The following CLK4 variants were observed in gnomAD, a reference collection of about 807,000 sequenced individuals.
CLK4 encodes the protein CDC like kinase 4, also known as dual specificity protein kinase CLK4.
In CLK4, 37 loss-of-function variants were observed where a neutral mutation model predicts 64.4. The ratio of observed to expected loss-of-function variants is 0.57; its 90% CI spans 0.44 to 0.76. The LOEUF (loss-of-function observed/expected upper bound fraction) is 0.76. Ranked by LOEUF, CLK4 falls within the 30% of genes least tolerant of loss-of-function variation. The pLI, the probability that CLK4 is intolerant of heterozygous loss-of-function variation, is 0.00. For synonymous variants in CLK4, 175 were observed against 191.6 expected, an observed-to-expected ratio of 0.91 and a Z score of 0.72; for missense variants, 457 against 605.1, an observed-to-expected ratio of 0.76 and a Z score of 2.57.
chr5:178,603,762 G>A lies in CLK4; in HGVS notation c.1306-5C>T, dbSNP rs1315447598. 3 of 1,580,410 alleles carry A rather than the reference G, an allele frequency of 1.9e-6. No individual in the cohort carries two copies. The highest frequency in any genetic ancestry group is 2.4e-5 in the South Asian group (2 of 84,942). The stretch of plus-strand genomic sequence containing the variant: ...ATCATGACAAAGCATAAATTCCTGG[G>A]GGAGAAATGTTTTTGTTTTAAAAAA... On this transcript the variant is annotated splice_polypyrimidine_tract_variant and splice_region_variant and intron_variant, in intron 12 of 12. Transcript: ENST00000316308.
intron 7 of CLK4, 97 bp from the exon 8 acceptor site, chr5:178,612,987 A>T: frequency 1.8e-6 from 1 of 564,544 alleles, no homozygotes; most frequent in South Asian, 3.0e-5. Flanking sequence ...TGGTCAAGAG[A>T]CGATTCATCT....
intron 5 of CLK4, among the ~76,000 whole-genome samples, chr5:178,614,958 A>G (rs1764606443): frequency 6.6e-6 from 1 of 152,190 alleles, no homozygotes; most frequent in East Asian, 1.9e-4. Flanking sequence ...AAAACATACA[A>G]TGCTAGACAG....
chr5:178,625,754 C>T (rs73351821), intron 1 of CLK4, among the ~76,000 whole-genome samples: 3 of 152,120 alleles, frequency 2.0e-5, no homozygotes, highest in Admixed American at 2.0e-4. Flanking sequence ...GAACGAGCTC[C>T]GTTGTGAGAG....
intron 1 of CLK4, among the ~76,000 whole-genome samples, chr5:178,624,971 AGGT>A (rs2113817226): frequency 6.6e-6 from 1 of 152,302 alleles, no homozygotes; most frequent in African/African-American, 2.4e-5. Flanking sequence ...CATCCTTCTA[AGGT>A]GGCTCTCAGC....
chr5:178,604,628 T>C (rs997213710), intron 11 of CLK4: 1 of 152,038 alleles, frequency 6.6e-6, no homozygotes, highest in Non-Finnish European at 1.5e-5. Context: ...GGAACCTTCA[T>C]GCAACGTAGA....
intron 1 of CLK4, among the ~76,000 whole-genome samples, chr5:178,624,225 G>A (rs1196827349): frequency 6.6e-6 from 1 of 152,224 alleles, no homozygotes; most frequent in African/African-American, 2.4e-5. Context: ...GCTCATGCCT[G>A]TAATCCCAGA....
At chr5:178,609,031 C>T (rs2113802118) in intron 9 of CLK4, among the ~76,000 whole-genome samples, 1 of 152,224 alleles carries the variant, frequency 6.6e-6, no homozygotes, top group South Asian at 2.1e-4. Context: ...CACATTGGAG[C>T]TCAGAGAGGG....
At chr5:178,605,178 GAAAA>G (rs371658302) in intron 11 of CLK4, 121 bp downstream of exon 11, 11 of 348,570 alleles carry the variant, frequency 3.2e-5, no homozygotes, top group African/African-American at 7.8e-5. Flanking sequence ...CTCCAGTACA[GAAAA>G]AAAAAAAAAA....
At chr5:178,609,851 G>T (rs1433241917) in intron 9 of CLK4, among the ~76,000 whole-genome samples, 1 of 151,370 alleles carries the variant, frequency 6.6e-6, no homozygotes, top group Non-Finnish European at 1.5e-5. Flanking sequence ...AGAGGTTGCA[G>T]TGAGCTGAGA....
chr5:178,626,639 G>A (rs1372710580), intron 1 of CLK4, among the ~76,000 whole-genome samples: 1 of 152,246 alleles, frequency 6.6e-6, no homozygotes, highest in Non-Finnish European at 1.5e-5. Context: ...AGCGCCCGCC[G>A]GCTGGAAGAG....
At chr5:178,610,621 G>C (rs1764542889) in intron 9 of CLK4, among the ~76,000 whole-genome samples, 1 of 151,916 alleles carries the variant, frequency 6.6e-6, no homozygotes, top group Non-Finnish European at 1.5e-5. Flanking sequence ...TTATTAATAA[G>C]ATTGACCATA....
chr5:178,605,409 A>G (rs748396812), intron 10 of CLK4, 27 bp from the exon 11 acceptor site: 1 of 1,342,848 alleles, frequency 7.4e-7, no homozygotes, highest in Non-Finnish European at 1.0e-6. Flanking sequence ...AAAGAAATTT[A>G]GTACTCTCCA....
rs1160889231 is a variant in CLK4, at chr5:178,617,378, C to T, written c.441G>A (p.Leu147=). The change falls in exon 4 of 13, where the codon CTG becomes CTA. Residue 147 remains leucine (L), a synonymous_variant. Coordinates refer to ENST00000316308, the MANE Select transcript of CLK4 (RefSeq NM_020666.3). This position sits in a 1 kb window ranked among gnomAD's most constrained non-coding sequence, Gnocchi z 5.2. ...RSIEDDEEGH[L]ICQSGDVLRA... is the part of the protein sequence containing the mutation. ...TTAGAACGTCTCCACTTTGACAGAT[C>T]AGGTGACCCTCCTCATCATCCTCTA... 1 of 1,614,058 alleles carries T rather than the reference C, an allele frequency of 6.2e-7. No individual in the cohort carries two copies. The highest frequency in any genetic ancestry group is 1.3e-5 in the African/African-American group (1 of 75,042).
chr5:178,615,683 AATATTT>A (rs1764617711), intron 5 of CLK4, among the ~76,000 whole-genome samples: 1 of 152,190 alleles, frequency 6.6e-6, no homozygotes, highest in Admixed American at 6.5e-5. Flanking sequence ...TTTTAATATT[AATATTT>A]ACAACAGGTT....
intron 10 of CLK4, among the ~76,000 whole-genome samples, chr5:178,606,470 A>T (rs1764468666): frequency 6.6e-6 from 1 of 152,174 alleles, no homozygotes; most frequent in Non-Finnish European, 1.5e-5. Flanking sequence ...GGAATTCATC[A>T]TTGTGCAACA....
chr5:178,625,599 C>T (rs1193717653), intron 1 of CLK4, among the ~76,000 whole-genome samples: 3 of 152,124 alleles, frequency 2.0e-5, no homozygotes, highest in African/African-American at 7.2e-5. Flanking sequence ...TTATGACCCT[C>T]CATTACTATG....
chr5:178,604,045 A>G, intron 11 of CLK4, 111 bp from the exon 12 acceptor site: 1 of 709,324 alleles, frequency 1.4e-6, no homozygotes, highest in Non-Finnish European at 2.3e-6. Context: ...GTATAGACTT[A>G]TATAATATAG....
chr5:178,624,421 G>C (rs1308108617), intron 1 of CLK4, among the ~76,000 whole-genome samples: 8 of 152,304 alleles, frequency 5.3e-5, no homozygotes, highest in African/African-American at 1.7e-4. Flanking sequence ...TAAATCTGGA[G>C]TAACTCTGAA....
At chr5:178,615,277 G>A (rs1764611907) in intron 5 of CLK4, among the ~76,000 whole-genome samples, 1 of 152,160 alleles carries the variant, frequency 6.6e-6, no homozygotes, top group Admixed American at 6.5e-5. Flanking sequence ...TGGGATGACT[G>A]GTGAAATCTG....
Sources: allele counts gnomAD v4.1 joint callset (sites outside exome capture counted in the v4.1 genomes callset), GRCh38; gene constraint gnomAD v4.1.1; non-coding constraint Gnocchi (gnomAD v3.1); transcripts MANE v1.5; gene names NCBI Gene and HGNC (gene_info 2026-07-23, HGNC 2026-07-21).